The following DGKB variants were observed in gnomAD, a reference collection of about 807,000 sequenced individuals.
DGKB encodes the protein diacylglycerol kinase beta, also known as 90 kDa diacylglycerol kinase.
A neutral mutation model predicts 114.3 loss-of-function variants in DGKB; 67 were observed. The observed-to-expected ratio is 0.59, with a 90% CI of 0.48 to 0.72. DGKB has a LOEUF of 0.72. Ranked by LOEUF, DGKB falls within the 30% of genes least tolerant of loss-of-function variation. The pLI is 0.00. For synonymous variants in DGKB, 398 were observed against 323.1 expected (o/e 1.23, Z -2.49); for missense variants, 907 against 975.2 (o/e 0.93, Z 0.93).
At chr7:14,445,793 T>A (rs1264644561) in intron 21 of DGKB, among the ~76,000 whole-genome samples, 1 of 152,010 alleles carries the variant, frequency 6.6e-6, no homozygotes. Flanking sequence ...ATAAGTTTCA[T>A]GTTTTTTATA....
At chr7:14,595,099 T>C (rs1802342718) in intron 17 of DGKB, among the ~76,000 whole-genome samples, 1 of 152,064 alleles carries the variant, frequency 6.6e-6, no homozygotes, top group Non-Finnish European at 1.5e-5. Context: ...CTTAATAAAC[T>C]TGGAGACATA....
intron 23 of DGKB, among the ~76,000 whole-genome samples, chr7:14,335,102 A>G (rs968041081): frequency 6.6e-6 from 1 of 152,176 alleles, no homozygotes. Flanking sequence ...AAAATTTCCA[A>G]CCAATGAACT....
rs563084493 is a variant in DGKB, at chr7:14,201,734, G to C, written c.2123-23583C>G. On this transcript the variant is annotated intron_variant, in intron 23 of 25. Transcript: ENST00000402815. ...ACATGGAGCTCTCTATAGAGAGGAC[G>C]GCCTGGTGAATATATATCTGTAGAT... Among the ~76,000 whole-genome samples, 4 of 151,698 alleles carry C rather than the reference G, an allele frequency of 2.6e-5. No individual in the cohort carries two copies. In the South Asian group the frequency reaches 8.4e-4, roughly 32 times the overall value.
rs575231486 is a variant in DGKB at position 14,569,013 on chromosome 7, A to C, written c.1770+5199T>G. ...GCATCCCATATGCTTTAAATCCTTC[A>C]ACTCCACTATTTGTTATATATTCAG... On this transcript the variant is annotated intron_variant, in intron 20 of 25. Coordinates refer to ENST00000402815, the MANE Select transcript of DGKB (RefSeq NM_001350709.2). 7.2e-5 allele frequency among the ~76,000 whole-genome samples: 11 copies of C among 152,318 alleles called. No homozygotes were observed. The South Asian group carries it at 2.3e-3, about 32-fold the overall frequency.
chr7:14,513,036 C>A (rs961558163), intron 20 of DGKB, among the ~76,000 whole-genome samples: 17 of 152,158 alleles, frequency 1.1e-4, no homozygotes, highest in African/African-American at 4.1e-4. Context: ...AAAGAAAATT[C>A]CTCCTTGGTA....
intron 20 of DGKB, among the ~76,000 whole-genome samples, chr7:14,554,021 C>T (rs1052772656): frequency 1.1e-4 from 16 of 151,822 alleles, no homozygotes; most frequent in Non-Finnish European, 1.9e-4. Flanking sequence ...TACAGGCAAC[C>T]GTCACCACGC....
chr7:14,595,518 G>A (rs1362038055), intron 17 of DGKB, among the ~76,000 whole-genome samples: 7 of 123,434 alleles, frequency 5.7e-5, no homozygotes, highest in Non-Finnish European at 8.3e-5. Flanking sequence ...AGGGCCTGAT[G>A]TTTATAAAAA....
At chr7:14,478,066 C>CCAGTAGA in intron 21 of DGKB, 95 bp downstream of exon 21, 2 of 741,818 alleles carry the variant, frequency 2.7e-6, no homozygotes, top group Non-Finnish European at 4.5e-6. Context: ...CCTCATAAAG[C>CCAGTAGA]CAGTAGATTA....
At chr7:14,966,148 A>C (rs1387608758) in intron 1 of DGKB, among the ~76,000 whole-genome samples, 1 of 152,126 alleles carries the variant, frequency 6.6e-6, no homozygotes, top group Non-Finnish European at 1.5e-5. Flanking sequence ...TTATTACAAC[A>C]GTCCATGCTA....
intron 2 of DGKB, among the ~76,000 whole-genome samples, chr7:14,808,781 A>G (rs1388804755): frequency 1.3e-5 from 2 of 152,120 alleles, no homozygotes; most frequent in African/African-American, 4.8e-5. Context: ...TGAACACACT[A>G]GGGTATAGGT....
Position 14,208,164 on chromosome 7 carries a change from C to A in DGKB, c.2123-30013G>T, listed in dbSNP as rs1341812544. ...CTCCAGTAAAATAAAACAAAATATC[C>A]AGTGAGAGAGTATATTCAACACATT... On this transcript the variant is annotated intron_variant, in intron 23 of 25. Coordinates refer to ENST00000402815, the MANE Select transcript of DGKB (RefSeq NM_001350709.2). Among the ~76,000 whole-genome samples, 4 of 151,954 alleles carry A rather than the reference C, an allele frequency of 2.6e-5. No homozygotes were observed. In the East Asian group the frequency reaches 7.8e-4, roughly 29 times the overall value.
chr7:14,312,370 T>C (rs1333111856), intron 23 of DGKB, among the ~76,000 whole-genome samples: 16 of 152,194 alleles, frequency 1.1e-4, no homozygotes, highest in Admixed American at 1.0e-3. Context: ...ACATTTGCAC[T>C]GATGAAGCAA....
At chr7:14,875,343 T>C (rs1039297103) in intron 1 of DGKB, among the ~76,000 whole-genome samples, 7 of 152,284 alleles carry the variant, frequency 4.6e-5, no homozygotes, top group African/African-American at 1.7e-4. Flanking sequence ...TTCTGCTGCT[T>C]CTACCTGCTT....
At chr7:14,344,413 C>T (rs1189543518) in intron 22 of DGKB, among the ~76,000 whole-genome samples, 1 of 151,492 alleles carries the variant, frequency 6.6e-6, no homozygotes, top group Non-Finnish European at 1.5e-5. Context: ...ATTGTGTGGT[C>T]CATAACTACT....
chr7:14,197,392 G>A (rs570091094), intron 23 of DGKB, among the ~76,000 whole-genome samples: 3 of 150,630 alleles, frequency 2.0e-5, no homozygotes, highest in South Asian at 2.1e-4. Flanking sequence ...TGAACAAACC[G>A]TAAAAAAAAA....
chr7:14,815,173 A>G (rs1586689740), intron 2 of DGKB: 2 of 152,174 alleles, frequency 1.3e-5, no homozygotes, highest in South Asian at 4.1e-4. Context: ...GTGGCTGCTT[A>G]TCTAACTGTG....
intron 23 of DGKB, among the ~76,000 whole-genome samples, chr7:14,252,930 G>A (rs1449428684): frequency 6.6e-6 from 1 of 152,082 alleles, no homozygotes; most frequent in African/African-American, 2.4e-5. Context: ...CCTCTTTAAT[G>A]TATGTTTGTT....
chr7:14,177,364 G>T (rs1781916660), intron 24 of DGKB, among the ~76,000 whole-genome samples: 1 of 151,886 alleles, frequency 6.6e-6, no homozygotes, highest in Non-Finnish European at 1.5e-5. Flanking sequence ...AAACCAGCCT[G>T]ACCAACATGG....
In DGKB at chr7:14,762,502, C is replaced by T. The variant is rs538752941; in HGVS notation, c.71-4771G>A. On this transcript the variant is annotated intron_variant, in intron 2 of 25. Coordinates refer to ENST00000402815, the MANE Select transcript of DGKB (RefSeq NM_001350709.2). ...AAAATTAAAGACCCTTTACATTAGT[C>T]TGAATTGAAAATAAATAAATGACTA... Among the ~76,000 whole-genome samples the T allele has an allele frequency of 1.9e-4, 29 of 152,148 alleles. No individual in the cohort carries two copies. The South Asian group carries it at 6.0e-3, about 32-fold the overall frequency.
Sources: allele counts gnomAD v4.1 joint callset (sites outside exome capture counted in the v4.1 genomes callset), GRCh38; gene constraint gnomAD v4.1.1; transcripts MANE v1.5; gene names NCBI Gene and HGNC (gene_info 2026-07-23, HGNC 2026-07-21).